The following NEDD9 variants were observed in gnomAD, a reference collection of about 807,000 sequenced individuals.
The protein encoded by NEDD9 is neural precursor cell expressed, developmentally down-regulated 9.
In NEDD9, 26 loss-of-function variants were observed where a neutral mutation model predicts 76.6. That is an observed-to-expected ratio of 0.34 (90% CI 0.25 to 0.47). The LOEUF is 0.47. Among genes scored for constraint, NEDD9 ranks in the 20% least tolerant of loss-of-function variants. The pLI is 1.00. For synonymous variants in NEDD9, 392 were observed against 414.2 expected (o/e 0.95, Z 0.65); for missense variants, 937 against 1,058.5 (o/e 0.89, Z 1.59).
At chr6:11,284,391 TAAAAAAAA>T (rs1168452567) in intron 3 of NEDD9, among the ~76,000 whole-genome samples, 16 of 70,246 alleles carry the variant, frequency 2.3e-4, no homozygotes, top group Admixed American at 2.2e-3. Context: ...CCGTCTCTAC[TAAAAAAAA>T]AAAAAAAAAA....
In NEDD9 at chr6:11,237,961, T is replaced by C. The variant is rs571640499; in HGVS notation, c.13-24234A>G. 6.6e-6 allele frequency among the ~76,000 whole-genome samples: 1 copy of C among 152,296 alleles called. No individual in the cohort carries two copies. Among genetic ancestry groups the C allele is most frequent in the African/African-American group, 2.4e-5 (1 of 41,550 alleles). ...TTATCATTTCTAGTTTGACATTAGT[T>C]TTTAAAAACAATCTACATATACCAA... On this transcript the variant is annotated intron_variant, in intron 3 of 3. Coordinates refer to the NEDD9 transcript ENST00000397378. The surrounding 1 kb of genome is among the most constrained non-coding windows in gnomAD (Gnocchi z 4.9).
chr6:11,356,000 C>T lies in NEDD9; in HGVS notation c.-213-21439G>A, dbSNP rs1435503866. Among the ~76,000 whole-genome samples the T allele has an allele frequency of 3.9e-5, 6 of 152,258 alleles. No homozygotes were observed. In the South Asian group the frequency reaches 6.2e-4, roughly 16 times the overall value. On this transcript the variant is annotated intron_variant, in intron 1 of 3. Transcript: ENST00000397378. ...CCTCCCAAAGTCCTGGGATTGCAGG[C>T]GTGAGCCACCATGCCCGGCCGAGAG...
At chr6:11,308,690 C>T (rs548346801) in intron 2 of NEDD9, among the ~76,000 whole-genome samples, 243 of 152,164 alleles carry the variant, frequency 1.6e-3, no homozygotes, top group African/African-American at 5.6e-3. Context: ...TATTTAACAG[C>T]TTGTTAGTTT....
chr6:11,332,526 C>A (rs1294096970), intron 2 of NEDD9, among the ~76,000 whole-genome samples: 1 of 152,222 alleles, frequency 6.6e-6, no homozygotes, highest in African/African-American at 2.4e-5. Flanking sequence ...CAGCCTTGCA[C>A]GTGCCATGCC....
rs1042882002 is a variant in NEDD9 at position 11,252,029 on chromosome 6, C to T, written c.13-38302G>A. On this transcript the variant is annotated intron_variant, in intron 3 of 3. Coordinates refer to the NEDD9 transcript ENST00000397378. The surrounding 1 kb of genome is among the most constrained non-coding windows in gnomAD (Gnocchi z 4.3). ...ATGCAAAAGCATATCTGGGTGCTTT[C>T]GCTCCACCTCAGGGTTGAAGGCTGT... Among the ~76,000 whole-genome samples, 11 of 152,088 alleles carry T rather than the reference C, an allele frequency of 7.2e-5. No individual in the cohort carries two copies. The highest frequency in any genetic ancestry group is 1.2e-4 in the Non-Finnish European group (8 of 68,018).
At chr6:11,254,411 G>A (rs1237910634) in intron 3 of NEDD9, among the ~76,000 whole-genome samples, 1 of 152,116 alleles carries the variant, frequency 6.6e-6, no homozygotes, top group Non-Finnish European at 1.5e-5. Context: ...AAGCCTGGCT[G>A]TTTTTCTGAA....
At chr6:11,243,667 C>A (rs1403730268) in intron 3 of NEDD9, among the ~76,000 whole-genome samples, 1 of 152,142 alleles carries the variant, frequency 6.6e-6, no homozygotes, top group Non-Finnish European at 1.5e-5. Flanking sequence ...GGTTCTTCTA[C>A]TTCTCTTGCC....
intron 3 of NEDD9, among the ~76,000 whole-genome samples, chr6:11,301,751 GCT>G (rs1422170458): frequency 1.3e-5 from 2 of 152,198 alleles, no homozygotes; most frequent in African/African-American, 2.4e-5. Context: ...TGAACAACAT[GCT>G]CCTGAATGAC....
At position 11,221,340 on chromosome 6, in the gene NEDD9, G is replaced by A. The variant is rs536537147; in HGVS notation, c.13-7613C>T. 5.3e-5 allele frequency among the ~76,000 whole-genome samples: 8 copies of A among 149,634 alleles called. 2 individuals are homozygous for A. Among genetic ancestry groups the A allele is most frequent in the African/African-American group, 1.5e-4 (6 of 40,708 alleles). On this transcript the variant is annotated intron_variant, in intron 1 of 6. Transcript: ENST00000379446. ...GGAGGTTGCAGTGAGCTGAGATCAC[G>A]CCATTGCACTCCAGCCTGGGTGACA...
At chr6:11,289,440 A>ATATTT (rs1292210007) in intron 3 of NEDD9, among the ~76,000 whole-genome samples, 5 of 152,042 alleles carry the variant, frequency 3.3e-5, no homozygotes, top group African/African-American at 9.7e-5. Context: ...CAAATGGCAG[A>ATATTT]TATTTTATTT....
At position 11,185,477 on chromosome 6, in the gene NEDD9, G is replaced by A. The variant is rs1354930151; in HGVS notation, c.2190C>T (p.Phe730=). The change falls in exon 7 of 7, where the codon TTC becomes TTT. Residue 730 remains phenylalanine, a synonymous_variant. Coordinates refer to ENST00000379446, the MANE Select transcript of NEDD9 (RefSeq NM_006403.4). ...GGGGCTGGGCTGAGCTGACACAACT[G>A]AAGAGTGCGTCAATGGCGTTGAGAA... ...ISLLNAIDAL[F]SCVSSAQPPR... 2 of 1,614,254 alleles carry A rather than the reference G, an allele frequency of 1.2e-6. No individual in the cohort carries two copies. The highest frequency in any genetic ancestry group is 4.5e-5 in the East Asian group (2 of 44,896).
intron 3 of NEDD9, chr6:11,305,929 T>C (rs1761173222): frequency 1.3e-6 from 2 of 1,569,312 alleles, no homozygotes; most frequent in African/African-American, 1.4e-5. Flanking sequence ...GCAGAGAATT[T>C]AGGCTGAGCA....
intron 3 of NEDD9, among the ~76,000 whole-genome samples, chr6:11,286,043 G>A (rs1413138082): frequency 6.6e-6 from 1 of 152,126 alleles, no homozygotes; most frequent in Non-Finnish European, 1.5e-5. Flanking sequence ...ATTGTTATTA[G>A]ACTAAGAAGA....
chr6:11,224,780 A>G (rs2025678), intron 1 of NEDD9, among the ~76,000 whole-genome samples: 1 of 152,032 alleles, frequency 6.6e-6, no homozygotes, highest in Non-Finnish European at 1.5e-5. Flanking sequence ...GGGGGGCAGA[A>G]AAGCCCAGCT....
rs1355970540 is a variant in NEDD9, at chr6:11,190,376, A to G, written c.1493T>C (p.Ile498Thr). ...ELQRVEDSHQ[I>T]LSQTSHDLNE... ...TAAGTCATGGCTGGTTTGACTCAGG[A>G]TCTGGTGGGAGTCTTCAACTCGTTG... The change falls in exon 5 of 7, where the codon ATC becomes ACC. Residue 498 changes from isoleucine (I) to threonine (T), a missense_variant. By Grantham distance (89) the Ile-to-Thr change is moderately conservative (BLOSUM62 -1). Coordinates refer to ENST00000379446, the MANE Select transcript of NEDD9 (RefSeq NM_006403.4). The surrounding 1 kb of genome is among the most constrained non-coding windows in gnomAD (Gnocchi z 5.8). 6.2e-7 allele frequency: 1 copy of G among 1,613,910 alleles called. No individual in the cohort carries two copies. The highest frequency in any genetic ancestry group is 8.5e-7 in the Non-Finnish European group (1 of 1,180,010).
chr6:11,339,251 C>T (rs1206336643), intron 1 of NEDD9, among the ~76,000 whole-genome samples: 3 of 152,116 alleles, frequency 2.0e-5, no homozygotes, highest in Non-Finnish European at 4.4e-5. Flanking sequence ...TATTAAAATA[C>T]CAAACATGCC....
At chr6:11,321,876 A>C (rs947705212) in intron 2 of NEDD9, among the ~76,000 whole-genome samples, 28 of 152,248 alleles carry the variant, frequency 1.8e-4, no homozygotes, top group Non-Finnish European at 1.5e-5. Context: ...ATGCAATGTT[A>C]GTGGGCTAAT....
intron 1 of NEDD9, among the ~76,000 whole-genome samples, chr6:11,334,913 G>C (rs756342262): frequency 2.0e-5 from 3 of 152,206 alleles, no homozygotes; most frequent in Non-Finnish European, 2.9e-5. Flanking sequence ...TTTGCAAAGA[G>C]GACGAGAGCC....
At chr6:11,235,728 C>T (rs551257134), upstream of NEDD9, among the ~76,000 whole-genome samples, 14 of 152,198 alleles carry the variant, frequency 9.2e-5, no homozygotes, top group East Asian at 5.8e-4. The surrounding 1 kb of genome is among the most constrained non-coding windows in gnomAD (Gnocchi z 4.1). Context: ...ATGAGCATTC[C>T]GGACAGAAGT....
Sources: allele counts gnomAD v4.1 joint callset (sites outside exome capture counted in the v4.1 genomes callset), GRCh38; gene constraint gnomAD v4.1.1; non-coding constraint Gnocchi (gnomAD v3.1); transcripts MANE v1.5; gene names NCBI Gene and HGNC (gene_info 2026-07-23, HGNC 2026-07-21).